Variants in SPDYA observed in about 807,000 individuals in gnomAD.
SPDYA encodes speedy/RINGO cell cycle regulator family member A.
In SPDYA, 11 loss-of-function variants were observed where a neutral mutation model predicts 36.7. The ratio of observed to expected loss-of-function variants is 0.30; its 90% CI spans 0.19 to 0.50. The LOEUF (loss-of-function observed/expected upper bound fraction) is 0.50. SPDYA is among the 20% of genes least tolerant of loss of function. The pLI, the probability that SPDYA is intolerant of heterozygous loss-of-function variation, is 0.98. For synonymous variants in SPDYA, 115 were observed against 118.7 expected (o/e 0.97, Z 0.20); for missense variants, 287 against 370.9 (o/e 0.77, Z 1.86).
chr2:28,844,647 T>G (rs1025663696), intron 7 of SPDYA, among the ~76,000 whole-genome samples: 5 of 152,106 alleles, frequency 3.3e-5, no homozygotes, highest in African/African-American at 4.8e-5. Flanking sequence ...TTTAAAAATA[T>G]TTTTTGCTGG....
In SPDYA at chr2:28,824,215, C is replaced by T. The variant is rs111488884; in HGVS notation, c.380+1805C>T. Among the ~76,000 whole-genome samples the T allele has an allele frequency of 6.5e-3, 995 of 152,062 alleles. 9 individuals carry two copies. Among genetic ancestry groups the T allele is most frequent in the African/African-American group, 0.018 (765 of 41,526 alleles). ...GGACTAGGCTGGGTACAGTGGCTTA[C>T]GCCTGTAATCCCAGCACTTTGGGAG... On this transcript the variant is annotated intron_variant, in intron 5 of 7. Transcript: ENST00000334056.
Position 28,814,608 on chromosome 2 carries a change from T to C in SPDYA, c.-92-5T>C, listed in dbSNP as rs892175531. The C allele has an allele frequency of 2.0e-5, 3 of 152,212 alleles. No individual in the cohort carries two copies. The highest frequency in any genetic ancestry group is 7.2e-5 in the African/African-American group (3 of 41,444). The allele number at this position is 152,212 out of a possible 1,614,324, so 9.4% of individuals were successfully genotyped here. On this transcript the variant is annotated splice_polypyrimidine_tract_variant and splice_region_variant and intron_variant, in intron 1 of 7. Coordinates refer to ENST00000334056, the MANE Select transcript of SPDYA (RefSeq NM_182756.4). Reference sequence around the variant, plus strand: ...AACCTCGCTAAATCCAATCTTATTTTCCAGTCCTTCCTTCAGAAGGGAAAT... The same window carrying C: ...AACCTCGCTAAATCCAATCTTATTTCCCAGTCCTTCCTTCAGAAGGGAAAT...
chr2:28,846,545 G>C (rs1668880034), intron 7 of SPDYA, among the ~76,000 whole-genome samples: 1 of 152,140 alleles, frequency 6.6e-6, no homozygotes, highest in Non-Finnish European at 1.5e-5. Flanking sequence ...CAAATCTTTA[G>C]TTTACAGGAC....
At chr2:28,842,409 T>C (rs1303437780) in intron 7 of SPDYA, 1 of 152,206 alleles carries the variant, frequency 6.6e-6, no homozygotes, top group Non-Finnish European at 1.5e-5. Flanking sequence ...CACTCCACAG[T>C]ATAGGCCTTG....
intron 6 of SPDYA, among the ~76,000 whole-genome samples, chr2:28,839,831 A>G (rs1668707195): frequency 1.3e-5 from 2 of 151,950 alleles, no homozygotes; most frequent in Admixed American, 6.5e-5. Context: ...AATACATTCC[A>G]AAGTTAAGAA....
chr2:28,843,914 T>C (rs1359221212), intron 7 of SPDYA, among the ~76,000 whole-genome samples: 1 of 152,062 alleles, frequency 6.6e-6, no homozygotes, highest in African/African-American at 2.4e-5. Flanking sequence ...ATGTGAAACA[T>C]AGATATATAT....
At chr2:28,825,957 C>G (rs551886307) in intron 5 of SPDYA, among the ~76,000 whole-genome samples, 1 of 152,024 alleles carries the variant, frequency 6.6e-6, no homozygotes, top group Admixed American at 6.6e-5. Context: ...GTTGCCCAGA[C>G]TGGTCTCAAA....
chr2:28,823,488 G>T (rs1668222889), intron 5 of SPDYA, among the ~76,000 whole-genome samples: 1 of 150,884 alleles, frequency 6.6e-6, no homozygotes, highest in African/African-American at 2.4e-5. Flanking sequence ...GCTGGGCGTG[G>T]TGGTGGGCAC....
chr2:28,814,487 TTA>T (rs1667935447), intron 1 of SPDYA, 124 bp from the exon 2 acceptor site: 1 of 152,232 alleles, frequency 6.6e-6, no homozygotes. Flanking sequence ...ATAAACTTTA[TTA>T]TTAAAAGTAA....
chr2:28,832,072 T>G (rs1009712239), intron 6 of SPDYA, among the ~76,000 whole-genome samples: 3 of 152,200 alleles, frequency 2.0e-5, no homozygotes, highest in African/African-American at 4.8e-5. Flanking sequence ...ACCACTACAT[T>G]TCTCTGCTTT....
At position 28,850,501 on chromosome 2, in the gene SPDYA, G is replaced by GT. The variant is rs1375572673; in HGVS notation, c.*566dup. On this transcript the variant is annotated 3_prime_UTR_variant, in exon 8 of 8. Coordinates refer to ENST00000334056, the MANE Select transcript of SPDYA (RefSeq NM_182756.4). ...ATATGAGTTACTCTCTTTATTGTAA[G>GT]TTTTTTCTTTATTTATTTCCTTGCA... 2.5e-6 allele frequency: 2 copies of GT among 798,466 alleles called. No homozygotes were observed. Among genetic ancestry groups the GT allele is most frequent in the Non-Finnish European group, 3.9e-6 (2 of 510,904 alleles). 49.5% of individuals were successfully genotyped at this position (798,466 alleles called of 1,614,324 possible).
chr2:28,849,832 A>T lies in SPDYA; in HGVS notation c.851-18A>T, dbSNP rs113746661. On this transcript the variant is annotated intron_variant, in intron 7 of 7. Transcript: ENST00000334056. Reference sequence around the variant, plus strand: ...ACAGATACATAAAATTTATCTTAAAATGCATATTTTATTTCAGTAGTCAAT... The same window carrying T: ...ACAGATACATAAAATTTATCTTAAATTGCATATTTTATTTCAGTAGTCAAT... 7.2e-7 allele frequency: 1 copy of T among 1,392,262 alleles called. No homozygotes were observed. The allele number at this position is 1,392,262 out of a possible 1,614,324, so 86.2% of individuals were successfully genotyped here. A position where few individuals can be genotyped will look rare whatever the true frequency, so the allele number is the denominator to read the frequency against.
intron 2 of SPDYA, among the ~76,000 whole-genome samples, chr2:28,815,542 T>G (rs1667963573): frequency 6.6e-6 from 1 of 152,118 alleles, no homozygotes; most frequent in South Asian, 2.1e-4. Flanking sequence ...CTTTGTAATT[T>G]AATACTTGAT....
At chr2:28,841,670 A>T (rs4611608) in intron 7 of SPDYA, among the ~76,000 whole-genome samples, 1 of 151,958 alleles carries the variant, frequency 6.6e-6, no homozygotes. Flanking sequence ...AGACTCTAAG[A>T]TTCTTGAAGG....
At chr2:28,837,742 CTTT>C (rs201687264) in intron 6 of SPDYA, among the ~76,000 whole-genome samples, 4 of 132,610 alleles carry the variant, frequency 3.0e-5, no homozygotes, top group Non-Finnish European at 3.3e-5. Flanking sequence ...AGAGTCAGTG[CTTT>C]TTTTTTTTTT....
Position 28,849,930 on chromosome 2 carries a change from A to C in SPDYA, c.931A>C (p.Ser311Arg), listed in dbSNP as rs748286752. 2 of 1,590,320 alleles carry C rather than the reference A, an allele frequency of 1.3e-6. No individual in the cohort carries two copies. Among genetic ancestry groups the C allele is most frequent in the South Asian group, 1.2e-5 (1 of 85,762 alleles). ...KDKSMEWFTG[S>R]EE Reference sequence around the variant, plus strand: ...CAAATCTATGGAGTGGTTTACAGGAAGTGAAGAATGAGATGGCCCAACTAA... The same window carrying C: ...CAAATCTATGGAGTGGTTTACAGGACGTGAAGAATGAGATGGCCCAACTAA... The change falls in exon 8 of 8, where the codon AGT becomes CGT. Residue 311 changes from serine to arginine, a missense_variant. By Grantham distance (110) the Ser-to-Arg change is moderately radical. Transcript: ENST00000334056.
At chr2:28,844,379 G>A (rs940164615) in intron 7 of SPDYA, among the ~76,000 whole-genome samples, 8 of 152,164 alleles carry the variant, frequency 5.3e-5, no homozygotes, top group Non-Finnish European at 1.0e-4. Context: ...AAATACAGCT[G>A]GTCCTTGACT....
At chr2:28,834,370 A>G (rs1668542809) in intron 6 of SPDYA, among the ~76,000 whole-genome samples, 1 of 152,222 alleles carries the variant, frequency 6.6e-6, no homozygotes, top group African/African-American at 2.4e-5. Context: ...AGTCCTGGCT[A>G]TATATGCCAA....
chr2:28,840,481 T>C lies in SPDYA; in HGVS notation c.850+12T>C. 6.2e-7 allele frequency: 1 copy of C among 1,611,948 alleles called. No homozygotes were observed. The highest frequency in any genetic ancestry group is 8.5e-7 in the Non-Finnish European group (1 of 1,179,328). ...TACTGGTTCTGAAGGTATGATTTAG[T>C]AATATGCCAGAATTAGATTTATGCA... On this transcript the variant is annotated intron_variant, in intron 7 of 7. Coordinates refer to ENST00000334056, the MANE Select transcript of SPDYA (RefSeq NM_182756.4).
Sources: allele counts gnomAD v4.1 joint callset (sites outside exome capture counted in the v4.1 genomes callset), GRCh38; gene constraint gnomAD v4.1.1; transcripts MANE v1.5; gene names NCBI Gene and HGNC (gene_info 2026-07-23, HGNC 2026-07-21).